Variants in ANGPTL6 observed in about 807,000 individuals in gnomAD.
ANGPTL6 encodes angiopoietin like 6.
Under a neutral mutation model 47.4 loss-of-function variants are expected in ANGPTL6, and 45 were observed. The ratio of observed to expected loss-of-function variants is 0.95; its 90% CI spans 0.75 to 1.22. ANGPTL6 has a LOEUF of 1.22. Ranked by LOEUF, ANGPTL6 falls within the 50% of genes most tolerant of loss-of-function variation. The probability of loss-of-function intolerance (pLI) is 0.00; values close to 1 mark genes in which losing one functional copy is unlikely to be tolerated. For missense variants in ANGPTL6, 698 were observed against 669.4 expected, an observed-to-expected ratio of 1.04 and a Z score of -0.47; for synonymous variants, 290 against 295.9, an observed-to-expected ratio of 0.98 and a Z score of 0.20.
intron 1 of ANGPTL6, among the ~76,000 whole-genome samples, chr19:10,099,602 C>T (rs1462659021): frequency 1.6e-5 from 2 of 126,956 alleles, no homozygotes; most frequent in East Asian, 4.9e-4. Context: ...AAAAAAAAAA[C>T]TTGTGCTATC....
rs369036998 is a variant in ANGPTL6, at chr19:10,093,805, C to T, written c.839G>A (p.Arg280His). ...QSGVYELRVGRHVVSVWCEQQ... is the reference protein window; with the variant it reads ...QSGVYELRVGHHVVSVWCEQQ... ...CTCACACCATACTGACACTACGTGA[C>T]GGCCCACTCGCAGTTCATACACTCC... is the stretch of plus-strand genomic sequence containing the variant. Residue 280 changes from arginine (R) to histidine (H), a missense_variant, in exon 4 of 6, where the codon CGT becomes CAT. Arg to His is a conservative substitution (Grantham distance 29). Transcript: ENST00000253109. The T allele has an allele frequency of 5.8e-5, 94 of 1,613,982 alleles. No individual in the cohort carries two copies. The highest frequency in any genetic ancestry group is 7.2e-5 in the Non-Finnish European group (85 of 1,180,056).
chr19:10,103,029 A>G (rs1474513523), upstream of ANGPTL6, among the ~76,000 whole-genome samples: 1 of 151,174 alleles, frequency 6.6e-6, no homozygotes, highest in Non-Finnish European at 1.5e-5. Flanking sequence ...TTGGCTCTAA[A>G]CTCTCCACAC....
In ANGPTL6 at chr19:10,092,572, G is replaced by A. The variant is rs2088415013; in HGVS notation, c.*17C>T. On this transcript the variant is annotated 3_prime_UTR_variant, in exon 6 of 6. Transcript: ENST00000253109. ...GACCAATGTCCTCTAGGGCCTAGGG[G>A]ACAGAGGAACACAGAGTCACAGCTT... The A allele has an allele frequency of 1.9e-6, 3 of 1,591,802 alleles. No individual in the cohort carries two copies. The highest frequency in any genetic ancestry group is 1.7e-6 in the Non-Finnish European group (2 of 1,165,266).
At chr19:10,105,249 C>T (rs557988240), upstream of ANGPTL6, among the ~76,000 whole-genome samples, 97 of 152,362 alleles carry the variant, frequency 6.4e-4, no homozygotes, top group African/African-American at 2.0e-3. Context: ...GGCCCCTCGG[C>T]CCCCCACCCT....
Position 10,092,380 on chromosome 19 carries a change from G to A in ANGPTL6, c.*209C>T, listed in dbSNP as rs1366256381. Reference sequence around the variant, plus strand: ...ATTATAAGATATGAGCTCAAACCGAGATATGAATGACCTTGGGGAGCCATC... The same window carrying A: ...ATTATAAGATATGAGCTCAAACCGAAATATGAATGACCTTGGGGAGCCATC... On this transcript the variant is annotated 3_prime_UTR_variant, in exon 6 of 6. Coordinates refer to ENST00000253109, the MANE Select transcript of ANGPTL6 (RefSeq NM_031917.3). The A allele has an allele frequency of 1.3e-6, 2 of 1,530,630 alleles. No individual in the cohort carries two copies. Among genetic ancestry groups the A allele is most frequent in the East Asian group, 2.4e-5 (1 of 40,950 alleles). 94.8% of individuals were successfully genotyped at this position (1,530,630 alleles called of 1,614,324 possible). A position where few individuals can be genotyped will look rare whatever the true frequency, so the allele number is the denominator to read the frequency against.
At chr19:10,096,826 G>A (rs1163288425) in intron 1 of ANGPTL6, among the ~76,000 whole-genome samples, 1 of 151,982 alleles carries the variant, frequency 6.6e-6, no homozygotes, top group African/African-American at 2.4e-5. Context: ...GGGCGCCGTA[G>A]CTCACGCCTG....
At chr19:10,093,671 G>A in intron 4 of ANGPTL6, 22 bp downstream of exon 4, 1 of 1,613,538 alleles carries the variant, frequency 6.2e-7, no homozygotes, top group Non-Finnish European at 8.5e-7. Flanking sequence ...CCCCTTCCCT[G>A]CCTCTGCCCA....
In ANGPTL6 at chr19:10,094,876, G is replaced by A; in HGVS notation, c.645C>T (p.Asp215=). Residue 215 remains aspartate, a synonymous_variant, in exon 3 of 6, where the codon GAC becomes GAT. Transcript: ENST00000253109. ...GGGCTGGGTCCAGCATCCTACTGGTGTCACTGGTGCTACCCACAAGACGGA... is the reference window on the plus strand; with the variant it reads ...GGGCTGGGTCCAGCATCCTACTGGTATCACTGGTGCTACCCACAAGACGGA... The part of the protein sequence containing the change: ...VPVRLVGSTS[D]TSRMLDPAPE... 1 of 1,614,200 alleles carries A rather than the reference G, an allele frequency of 6.2e-7. No individual in the cohort carries two copies. Among genetic ancestry groups the A allele is most frequent in the Non-Finnish European group, 8.5e-7 (1 of 1,180,022 alleles).
chr19:10,099,951 C>T (rs1175205578), intron 1 of ANGPTL6, among the ~76,000 whole-genome samples: 1 of 150,078 alleles, frequency 6.7e-6, no homozygotes, highest in Non-Finnish European at 1.5e-5. Context: ...CCTCCACCTC[C>T]CGGGTTCAAG....
At position 10,094,899 on chromosome 19, in the gene ANGPTL6, G is replaced by A. The variant is rs140248826; in HGVS notation, c.622C>T (p.Arg208Cys). Residue 208 changes from arginine (R) to cysteine (C), a missense_variant, in exon 3 of 6, where the codon CGT (arginine) becomes TGT (cysteine). Arg to Cys is a radical substitution (Grantham distance 180). Transcript: ENST00000253109. Reference protein sequence around the residue: ...PPPLVPVVPVRLVGSTSDTSR... With the variant: ...PPPLVPVVPVCLVGSTSDTSR... ...GTGTCACTGGTGCTACCCACAAGAC[G>A]GACCGGAACCACAGGCACCAGTGGG... 2.0e-5 allele frequency: 32 copies of A among 1,612,902 alleles called. No homozygotes were observed. The African/African-American group carries it at 2.1e-4, about 11-fold the overall frequency.
chr19:10,096,606 G>T (rs1267694132), intron 1 of ANGPTL6, 33 bp from the exon 2 acceptor site: 14 of 1,443,774 alleles, frequency 9.7e-6, no homozygotes, highest in Non-Finnish European at 1.3e-5. Context: ...AGGAAGACGG[G>T]GTGCTGGGGC....
At chr19:10,098,820 G>A (rs1282201017) in intron 1 of ANGPTL6, among the ~76,000 whole-genome samples, 3 of 151,056 alleles carry the variant, frequency 2.0e-5, no homozygotes, top group Admixed American at 1.3e-4. Context: ...GCAAAACACT[G>A]TCTCAAAAAA....
chr19:10,093,321 C>CTCTCACCAGAATAGGA (rs1446671570), intron 5 of ANGPTL6, 28 bp downstream of exon 5: 14 of 1,599,568 alleles, frequency 8.8e-6, no homozygotes, highest in Non-Finnish European at 1.2e-5. Context: ...CTCCCCTATC[C>CTCTCACCAGAATAGGA]TCTCACCAGA....
chr19:10,099,335 G>C (rs901517745), intron 1 of ANGPTL6, among the ~76,000 whole-genome samples: 2 of 152,116 alleles, frequency 1.3e-5, no homozygotes, highest in African/African-American at 4.8e-5. Context: ...CCAGCACTTT[G>C]GGAGGCGGAG....
upstream of ANGPTL6, chr19:10,102,683 CAGA>C (rs1599295687): frequency 1.0e-6 from 1 of 984,868 alleles, no homozygotes; most frequent in Non-Finnish European, 1.2e-6. Context: ...GGCAGTGGGA[CAGA>C]AGGAGAGAGG....
chr19:10,093,326 A>C (rs1189434039), intron 5 of ANGPTL6, 23 bp downstream of exon 5: 13 of 1,602,250 alleles, frequency 8.1e-6, no homozygotes, highest in Non-Finnish European at 1.0e-5. Context: ...CTATCCTCTC[A>C]CCAGAATAGG....
chr19:10,101,761 A>G (rs904682285), intron 1 of ANGPTL6, among the ~76,000 whole-genome samples: 9 of 140,368 alleles, frequency 6.4e-5, no homozygotes, highest in African/African-American at 2.4e-4. Flanking sequence ...CAGTGAGCAG[A>G]GATTGCGCCA....
rs998124061 is a variant in ANGPTL6, at chr19:10,092,459, G to C, written c.*130C>G. 17 of 1,520,988 alleles carry C rather than the reference G, an allele frequency of 1.1e-5. No individual in the cohort carries two copies. The South Asian group carries it at 2.1e-4, about 19-fold the overall frequency. 94.2% of individuals were successfully genotyped at this position (1,520,988 alleles called of 1,614,324 possible). Reference sequence around the variant, plus strand: ...CCTGGGTCCCATTTTCAGCGCCCAGGGTCACAGATCCACAGTGGGAAGTTC... The same window carrying C: ...CCTGGGTCCCATTTTCAGCGCCCAGCGTCACAGATCCACAGTGGGAAGTTC... On this transcript the variant is annotated 3_prime_UTR_variant, in exon 6 of 6. Transcript: ENST00000253109.
At chr19:10,100,336 T>G (rs867778125) in intron 1 of ANGPTL6, among the ~76,000 whole-genome samples, 10 of 152,072 alleles carry the variant, frequency 6.6e-5, no homozygotes, top group Admixed American at 6.6e-5. Flanking sequence ...CTCCAATTCC[T>G]GCACACAAGT....
Sources: allele counts gnomAD v4.1 joint callset (sites outside exome capture counted in the v4.1 genomes callset), GRCh38; gene constraint gnomAD v4.1.1; transcripts MANE v1.5; gene names NCBI Gene and HGNC (gene_info 2026-07-23, HGNC 2026-07-21).